The following RABGAP1L variants were observed in gnomAD, a reference collection of about 807,000 sequenced individuals.
The protein encoded by RABGAP1L is rab GTPase-activating protein 1-like.
A neutral mutation model predicts 137.7 loss-of-function variants in RABGAP1L; 63 were observed. The ratio of observed to expected loss-of-function variants is 0.46; its 90% CI spans 0.37 to 0.56. RABGAP1L has a LOEUF of 0.56. RABGAP1L is among the 20% of genes least tolerant of loss of function. The pLI, the probability that RABGAP1L is intolerant of heterozygous loss-of-function variation, is 0.00. For missense variants in RABGAP1L, 1,095 were observed against 1,244.0 expected (o/e 0.88, Z 1.80); for synonymous variants, 431 against 433.7 (o/e 0.99, Z 0.08).
chr1:174,368,408 G>C (rs926349), intron 11 of RABGAP1L, among the ~76,000 whole-genome samples: 53,563 of 151,964 alleles, frequency 0.35, 12,095 homozygotes, highest in African/African-American at 0.64. Context: ...CAAAAAGATT[G>C]TTCTTATTTA....
At chr1:174,755,987 T>A (rs1684720716) in intron 18 of RABGAP1L, among the ~76,000 whole-genome samples, 1 of 152,164 alleles carries the variant, frequency 6.6e-6, no homozygotes, top group Admixed American at 6.6e-5. Context: ...AATTTCTCCA[T>A]TTTTTAAATG....
At chr1:174,729,511 G>T (rs1213940085) in intron 17 of RABGAP1L, among the ~76,000 whole-genome samples, 1 of 152,138 alleles carries the variant, frequency 6.6e-6, no homozygotes, top group Non-Finnish European at 1.5e-5. Context: ...CACAGCAAAA[G>T]AAATTATCAA....
intron 21 of RABGAP1L, among the ~76,000 whole-genome samples, chr1:174,975,739 G>T (rs1421897019): frequency 6.6e-6 from 1 of 152,208 alleles, no homozygotes; most frequent in Admixed American, 6.5e-5. Flanking sequence ...GAAGCATTTA[G>T]AAGGAGGATG....
chr1:174,940,966 T>A (rs746638923), intron 19 of RABGAP1L, among the ~76,000 whole-genome samples: 1 of 152,216 alleles, frequency 6.6e-6, no homozygotes, highest in Non-Finnish European at 1.5e-5. Flanking sequence ...CATTCTGGCT[T>A]CAGTGTATTC....
chr1:174,960,646 A>G lies in RABGAP1L; in HGVS notation c.2433+3097A>G, dbSNP rs186900146. ...TGTGAATTACATCTCCAAAGAAAAA[A>G]AAAAGCAGAATATTCCAGGAGGATT... On this transcript the variant is annotated intron_variant, in intron 20 of 25. Transcript: ENST00000681986. Among the ~76,000 whole-genome samples the G allele has an allele frequency of 3.8e-3, 573 of 152,304 alleles. 4 individuals are homozygous for G. Among genetic ancestry groups the G allele is most frequent in the African/African-American group, 0.013 (542 of 41,564 alleles).
chr1:174,844,179 G>A lies in RABGAP1L; in HGVS notation c.2340+32219G>A, dbSNP rs1278414975. On this transcript the variant is annotated intron_variant, in intron 19 of 25. Transcript: ENST00000681986. Reference sequence around the variant, plus strand: ...TTTTCTCCCATGTTGTAGGTTGCCTGTTCACTCTGATGGTAGTTTCTTTTG... The same window carrying A: ...TTTTCTCCCATGTTGTAGGTTGCCTATTCACTCTGATGGTAGTTTCTTTTG... Among the ~76,000 whole-genome samples the A allele has an allele frequency of 2.9e-5, 4 of 137,408 alleles. No individual in the cohort carries two copies. In the East Asian group the frequency reaches 8.9e-4, roughly 31 times the overall value. 90.1% of individuals were successfully genotyped at this position (137,408 alleles called of 152,430 possible).
chr1:174,281,595 G>A (rs1264966527), intron 10 of RABGAP1L, among the ~76,000 whole-genome samples: 3 of 152,182 alleles, frequency 2.0e-5, no homozygotes, highest in African/African-American at 7.2e-5. Flanking sequence ...AGGTGTAAGT[G>A]GGAAACACCA....
At chr1:174,949,421 T>C (rs1286713667) in intron 19 of RABGAP1L, among the ~76,000 whole-genome samples, 3 of 152,184 alleles carry the variant, frequency 2.0e-5, no homozygotes, top group Non-Finnish European at 4.4e-5. Context: ...ACAAGATAGA[T>C]ATTTTTGAGG....
At chr1:174,856,682 T>C (rs1649365217) in intron 19 of RABGAP1L, among the ~76,000 whole-genome samples, 2 of 151,986 alleles carry the variant, frequency 1.3e-5, no homozygotes, top group Admixed American at 1.3e-4. Flanking sequence ...ATCCCAGCAC[T>C]TTGGGAGGCT....
chr1:174,617,483 G>C (rs1480213589), intron 13 of RABGAP1L, among the ~76,000 whole-genome samples: 1 of 152,170 alleles, frequency 6.6e-6, no homozygotes, highest in Non-Finnish European at 1.5e-5. Context: ...AACTGTTATA[G>C]TCTCTCAGGA....
chr1:174,784,196 T>C (rs1421128730), intron 18 of RABGAP1L, among the ~76,000 whole-genome samples: 1 of 151,744 alleles, frequency 6.6e-6, no homozygotes, highest in Non-Finnish European at 1.5e-5. Flanking sequence ...ATTTTTTGTA[T>C]TTTTAGTAGT....
intron 13 of RABGAP1L, among the ~76,000 whole-genome samples, chr1:174,486,223 C>CTTTTTTT (rs201692363): frequency 1.0e-3 from 122 of 119,702 alleles, no homozygotes; most frequent in Non-Finnish European, 1.6e-3. Flanking sequence ...GTTCTTTTTT[C>CTTTTTTT]TTTTTTTTTT....
chr1:174,311,871 T>C (rs1467445920), intron 11 of RABGAP1L, among the ~76,000 whole-genome samples: 2 of 152,234 alleles, frequency 1.3e-5, no homozygotes, highest in Non-Finnish European at 2.9e-5. Context: ...CCTCTCAAAG[T>C]GCTGGGATTA....
chr1:174,982,374 A>AACATCACT (rs572403943), intron 23 of RABGAP1L, among the ~76,000 whole-genome samples: 48 of 152,248 alleles, frequency 3.2e-4, no homozygotes, highest in African/African-American at 1.1e-3. Flanking sequence ...TATGAGTGAG[A>AACATCACT]ACATCACTCT....
intron 19 of RABGAP1L, among the ~76,000 whole-genome samples, chr1:174,849,023 A>G (rs1388932329): frequency 1.2e-4 from 18 of 151,722 alleles, no homozygotes; most frequent in East Asian, 7.8e-4. Flanking sequence ...TCTTTGACTC[A>G]GAAAGGGAAC....
At chr1:174,812,780 G>A (rs1163064014) in intron 19 of RABGAP1L, among the ~76,000 whole-genome samples, 9 of 152,142 alleles carry the variant, frequency 5.9e-5, no homozygotes, top group Admixed American at 5.2e-4. Flanking sequence ...GATTAGTGGG[G>A]GAGCAAAGGT....
At chr1:174,581,694 A>G (rs1017656191) in intron 13 of RABGAP1L, among the ~76,000 whole-genome samples, 1 of 152,320 alleles carries the variant, frequency 6.6e-6, no homozygotes, top group East Asian at 1.9e-4. Context: ...ATTTTTTCGT[A>G]TGTGAATTTT....
At chr1:174,950,116 A>G (rs1479723417) in intron 19 of RABGAP1L, among the ~76,000 whole-genome samples, 2 of 152,224 alleles carry the variant, frequency 1.3e-5, no homozygotes, top group African/African-American at 2.4e-5. Context: ...TGAGATTAAA[A>G]CAAGTACAGC....
intron 13 of RABGAP1L, among the ~76,000 whole-genome samples, chr1:174,487,778 G>A (rs779896259): frequency 4.0e-5 from 6 of 151,282 alleles, no homozygotes; most frequent in Non-Finnish European, 7.4e-5. Flanking sequence ...TTATTTTTTT[G>A]TGTATCTGTT....
Sources: gnomAD v4.1 joint callset for allele counts (sites outside exome capture counted in the v4.1 genomes callset) on GRCh38, gnomAD v4.1.1 for gene constraint, MANE v1.5 for transcripts, NCBI Gene and HGNC (gene_info 2026-07-23, HGNC 2026-07-21) for gene names.